The following MRPS11 variants were observed in gnomAD, a reference collection of about 807,000 sequenced individuals.
MRPS11 encodes the protein small ribosomal subunit protein uS11m.
Under a neutral mutation model 24.3 loss-of-function variants are expected in MRPS11, and 27 were observed. That is an observed-to-expected ratio of 1.11 (90% CI 0.82 to 1.53). The LOEUF is 1.53. MRPS11 is among the 40% of genes most tolerant of loss of function. The pLI is 0.00. For missense variants in MRPS11, 277 were observed against 256.5 expected (o/e 1.08, Z -0.55); for synonymous variants, 104 against 98.7 (o/e 1.05, Z -0.32).
Position 88,469,793 on chromosome 15 carries a change from G to A in MRPS11, c.182+1769G>A, listed in dbSNP as rs764781021. On this transcript the variant is annotated intron_variant, in intron 2 of 5. Transcript: ENST00000325844. The surrounding 1 kb of genome is among the most constrained non-coding windows in gnomAD (Gnocchi z 4.4). ...TTGGACCATGGTTATTGCCATGGAG[G>A]TATTATGAATGGTCTGACATATTTT... Among the ~76,000 whole-genome samples the A allele has an allele frequency of 1.3e-4, 20 of 152,172 alleles. No individual in the cohort carries two copies. Among genetic ancestry groups the A allele is most frequent in the Non-Finnish European group, 2.4e-4 (16 of 68,024 alleles).
chr15:88,474,142 C>A (rs2142216068), intron 3 of MRPS11, among the ~76,000 whole-genome samples: 1 of 151,566 alleles, frequency 6.6e-6, no homozygotes, highest in South Asian at 2.1e-4. Flanking sequence ...TGCCACTGCA[C>A]TTCCAGCCTG....
rs933563212 is a variant in MRPS11, at chr15:88,469,933, TG to T, written c.182+1913del. The stretch of plus-strand genomic sequence containing the variant: ...AAGACGGAGTTGTCATTGATTAAGA[TG>T]GGGAAGACTGCAGGAGTTTGGATGG... On this transcript the variant is annotated intron_variant, in intron 2 of 5. Coordinates refer to ENST00000325844, the MANE Select transcript of MRPS11 (RefSeq NM_022839.5). This position sits in a 1 kb window ranked among gnomAD's most constrained non-coding sequence, Gnocchi z 4.4. Among the ~76,000 whole-genome samples the T allele has an allele frequency of 6.6e-6, 1 of 152,152 alleles. No homozygotes were observed. The highest frequency in any genetic ancestry group is 1.5e-5 in the Non-Finnish European group (1 of 68,022).
chr15:88,472,909 T>A (rs560326746), intron 3 of MRPS11, among the ~76,000 whole-genome samples, 184 bp downstream of exon 3: 1 of 152,302 alleles, frequency 6.6e-6, no homozygotes, highest in East Asian at 1.9e-4. Context: ...TTACACAAGT[T>A]TCATAAAAAT....
chr15:88,477,096 A>G lies in MRPS11; in HGVS notation c.477+42A>G. 6.3e-7 allele frequency: 1 copy of G among 1,594,872 alleles called. No individual in the cohort carries two copies. The highest frequency in any genetic ancestry group is 2.2e-5 in the East Asian group (1 of 44,762). On this transcript the variant is annotated intron_variant, in intron 5 of 5. Coordinates refer to ENST00000325844, the MANE Select transcript of MRPS11 (RefSeq NM_022839.5). This position sits in a 1 kb window ranked among gnomAD's most constrained non-coding sequence, Gnocchi z 5.7. ...TCCATAGTGTACTTGCCTCCTAGTA[A>G]GTGTGAGAATTTGGGGCTTGAGAGC...
Position 88,475,004 on chromosome 15 carries a change from T to A in MRPS11, c.282-106T>A. On this transcript the variant is annotated intron_variant, in intron 3 of 5. Coordinates refer to ENST00000325844, the MANE Select transcript of MRPS11 (RefSeq NM_022839.5). This position sits in a 1 kb window ranked among gnomAD's most constrained non-coding sequence, Gnocchi z 4.1. ...CTGAGAAGCTCAAAGTAGAAGCAACTGAATTCCTTTTTCTTTCTCACCCAG... is the reference window on the plus strand; with the variant it reads ...CTGAGAAGCTCAAAGTAGAAGCAACAGAATTCCTTTTTCTTTCTCACCCAG... 1 of 1,340,824 alleles carries A rather than the reference T, an allele frequency of 7.5e-7. No homozygotes were observed. Among genetic ancestry groups the A allele is most frequent in the Non-Finnish European group, 1.0e-6 (1 of 988,450 alleles). 83.1% of individuals were successfully genotyped at this position (1,340,824 alleles called of 1,614,324 possible).
rs1447432591 is a variant in MRPS11, at chr15:88,475,909, A to G, written c.411+670A>G. On this transcript the variant is annotated intron_variant, in intron 4 of 5. Coordinates refer to ENST00000325844, the MANE Select transcript of MRPS11 (RefSeq NM_022839.5). This position sits in a 1 kb window ranked among gnomAD's most constrained non-coding sequence, Gnocchi z 4.1. ...GAGGTGGAGGTTGCAGTGACTCGAG[A>G]TCACACCACTGCACTCCAGCCTGGT... is the stretch of plus-strand genomic sequence containing the variant. Among the ~76,000 whole-genome samples the G allele has an allele frequency of 1.3e-5, 2 of 152,242 alleles. No individual in the cohort carries two copies. The highest frequency in any genetic ancestry group is 3.9e-4 in the East Asian group (2 of 5,176).
Position 88,475,240 on chromosome 15 carries a change from G to A in MRPS11, c.411+1G>A. The A allele has an allele frequency of 2.5e-6, 4 of 1,614,058 alleles. No homozygotes were observed. Among genetic ancestry groups the A allele is most frequent in the Non-Finnish European group, 3.4e-6 (4 of 1,179,934 alleles). The stretch of plus-strand genomic sequence containing the variant: ...GACAGCAGGCATAGCCGCAGCGGCG[G>A]TAAGTGTGTGTTCCTTCTGCTTCCT... On this transcript the variant is annotated splice_donor_variant, in intron 4 of 5. Transcript: ENST00000325844. LOFTEE classifies it high-confidence loss of function. This position sits in a 1 kb window ranked among gnomAD's most constrained non-coding sequence, Gnocchi z 4.1.
In MRPS11 at chr15:88,467,950, C is replaced by A. The variant is rs767096168; in HGVS notation, c.108C>A (p.Gly36=). The A allele has an allele frequency of 1.2e-6, 2 of 1,613,214 alleles. No homozygotes were observed. Among genetic ancestry groups the A allele is most frequent in the Non-Finnish European group, 1.7e-6 (2 of 1,179,926 alleles). Residue 36 remains glycine (G), a synonymous_variant, in exon 2 of 6, where the codon GGC becomes GGA. Coordinates refer to ENST00000325844, the MANE Select transcript of MRPS11 (RefSeq NM_022839.5). ...CGCCGGCCGGGACCATCTGCACAGG[C>A]GCTCGACAGCTCCAAGACGCTGCGG... The part of the protein sequence containing the change: ...ARTPAGTICT[G]ARQLQDAAAK...
Position 88,475,271 on chromosome 15 carries a change from T to C in MRPS11, c.411+32T>C, listed in dbSNP as rs1205586218. The C allele has an allele frequency of 1.2e-6, 2 of 1,613,340 alleles. No homozygotes were observed. Among genetic ancestry groups the C allele is most frequent in the Non-Finnish European group, 8.5e-7 (1 of 1,179,832 alleles). Reference sequence around the variant, plus strand: ...GTGTGTTCCTTCTGCTTCCTTCTAGTGTGTGTTTGCTTTCTGCATGGCTCA... The same window carrying C: ...GTGTGTTCCTTCTGCTTCCTTCTAGCGTGTGTTTGCTTTCTGCATGGCTCA... On this transcript the variant is annotated intron_variant, in intron 4 of 5. Coordinates refer to ENST00000325844, the MANE Select transcript of MRPS11 (RefSeq NM_022839.5). The surrounding 1 kb of genome is among the most constrained non-coding windows in gnomAD (Gnocchi z 4.1).
chr15:88,472,471 G>A (rs948032135), intron 2 of MRPS11, 156 bp from the exon 3 acceptor site: 38 of 597,356 alleles, frequency 6.4e-5, no homozygotes, highest in African/African-American at 6.0e-4. Flanking sequence ...TCACACATGC[G>A]GTGGTGGCAC....
rs1224133771 is a variant in MRPS11, at chr15:88,478,412, T to G, written c.*433T>G. 1 of 160,966 alleles carries G rather than the reference T, an allele frequency of 6.2e-6. No homozygotes were observed. The highest frequency in any genetic ancestry group is 1.4e-5 in the Non-Finnish European group (1 of 73,886). 10.0% of individuals were successfully genotyped at this position (160,966 alleles called of 1,614,324 possible). A position where few individuals can be genotyped will look rare whatever the true frequency, so the allele number is the denominator to read the frequency against. On this transcript the variant is annotated 3_prime_UTR_variant, in exon 6 of 6. Transcript: ENST00000325844. The surrounding 1 kb of genome is among the most constrained non-coding windows in gnomAD (Gnocchi z 4.7). Reference sequence around the variant, plus strand: ...ACACTTCTGGTTTCAGATATTTCTTTTCTAGCCCCTTACCCAAGATTTCTA... The same window carrying G: ...ACACTTCTGGTTTCAGATATTTCTTGTCTAGCCCCTTACCCAAGATTTCTA...
At position 88,480,682 on chromosome 15, in the gene MRPS11, T is replaced by C. The variant is rs2055913568; in HGVS notation, c.*2703T>C. ...TTTGGGGAGGCCGCCTTGTTGACTG[T>C]GCACTGGAAAATGCACATTGCTTTA... is the stretch of plus-strand genomic sequence containing the variant. On this transcript the variant is annotated 3_prime_UTR_variant, in exon 6 of 6. Transcript: ENST00000325844. This position sits in a 1 kb window ranked among gnomAD's most constrained non-coding sequence, Gnocchi z 5.1. 1 of 152,068 alleles carries C rather than the reference T, an allele frequency of 6.6e-6. No individual in the cohort carries two copies. Among genetic ancestry groups the C allele is most frequent in the Admixed American group, 6.5e-5 (1 of 15,280 alleles). 9.4% of individuals were successfully genotyped at this position (152,068 alleles called of 1,614,324 possible).
chr15:88,475,781 AC>A lies in MRPS11; in HGVS notation c.411+546del, dbSNP rs1159408475. Among the ~76,000 whole-genome samples the A allele has an allele frequency of 6.6e-6, 1 of 151,984 alleles. No homozygotes were observed. Among genetic ancestry groups the A allele is most frequent in the Non-Finnish European group, 1.5e-5 (1 of 67,992 alleles). On this transcript the variant is annotated intron_variant, in intron 4 of 5. Coordinates refer to ENST00000325844, the MANE Select transcript of MRPS11 (RefSeq NM_022839.5). This position sits in a 1 kb window ranked among gnomAD's most constrained non-coding sequence, Gnocchi z 4.1. Reference sequence around the variant, plus strand: ...AGACCATCCTGGCCAACATGGTGAAACCCCATCTCTACTAAAAATAGAAAAA... The same window carrying A: ...AGACCATCCTGGCCAACATGGTGAAACCCATCTCTACTAAAAATAGAAAAA...
Position 88,477,824 on chromosome 15 carries a change from A to T in MRPS11, c.478-48A>T, listed in dbSNP as rs757674621. On this transcript the variant is annotated intron_variant, in intron 5 of 5. Coordinates refer to ENST00000325844, the MANE Select transcript of MRPS11 (RefSeq NM_022839.5). The surrounding 1 kb of genome is among the most constrained non-coding windows in gnomAD (Gnocchi z 5.7). The stretch of plus-strand genomic sequence containing the variant: ...GAACCCTGCCTGGAGACACTGGATC[A>T]TCATTTCTGGGACCATGTCATTCTA... 3 of 1,558,822 alleles carry T rather than the reference A, an allele frequency of 1.9e-6. No homozygotes were observed. Among genetic ancestry groups the T allele is most frequent in the South Asian group, 1.1e-5 (1 of 89,450 alleles).
chr15:88,474,567 A>T (rs891636062), intron 3 of MRPS11, among the ~76,000 whole-genome samples: 1 of 152,218 alleles, frequency 6.6e-6, no homozygotes, highest in Non-Finnish European at 1.5e-5. Flanking sequence ...CTCAAAAAAA[A>T]AAAAGTAGCC....
intron 3 of MRPS11, among the ~76,000 whole-genome samples, chr15:88,474,364 G>A (rs1381807497): frequency 6.6e-6 from 1 of 151,662 alleles, no homozygotes; most frequent in Admixed American, 6.6e-5. Context: ...GTTCAAGACC[G>A]GCCTGCCCAA....
At position 88,474,605 on chromosome 15, in the gene MRPS11, TAA is replaced by T. The variant is rs1439762536; in HGVS notation, c.282-504_282-503del. ...TATGGTAATATTGCTAATATTTTTT[TAA>T]GAGTCCTTCTTTTAGAGCTATGTAC... On this transcript the variant is annotated intron_variant, in intron 3 of 5. Coordinates refer to ENST00000325844, the MANE Select transcript of MRPS11 (RefSeq NM_022839.5). 2.0e-5 allele frequency among the ~76,000 whole-genome samples: 3 copies of T among 152,276 alleles called. No individual in the cohort carries two copies. In the East Asian group the frequency reaches 5.8e-4, roughly 29 times the overall value.
chr15:88,471,677 T>C (rs532483243), intron 2 of MRPS11, among the ~76,000 whole-genome samples: 16 of 152,234 alleles, frequency 1.1e-4, no homozygotes, highest in Non-Finnish European at 2.2e-4. Flanking sequence ...CTTAAGGATT[T>C]CTTAAGGCAT....
rs1021676878 is a variant in MRPS11, at chr15:88,479,743, G to T, written c.*1764G>T. The T allele has an allele frequency of 6.6e-6, 1 of 152,248 alleles. No homozygotes were observed. Among genetic ancestry groups the T allele is most frequent in the Admixed American group, 6.5e-5 (1 of 15,290 alleles). The allele number at this position is 152,248 out of a possible 1,614,324, so 9.4% of individuals were successfully genotyped here. On this transcript the variant is annotated 3_prime_UTR_variant, in exon 6 of 6. Transcript: ENST00000325844. ...ACTTGAAAATTGCACTTCGCGATTT[G>T]ATATGGTTTGGTGGACAGAGGGCCC...
Sources: gnomAD v4.1 joint callset for allele counts (sites outside exome capture counted in the v4.1 genomes callset) on GRCh38, gnomAD v4.1.1 for gene constraint, Gnocchi (gnomAD v3.1) non-coding constraint, MANE v1.5 for transcripts, NCBI Gene and HGNC (gene_info 2026-07-23, HGNC 2026-07-21) for gene names.